Variants in KIF13B observed in about 807,000 individuals in gnomAD.
KIF13B encodes the protein kinesin-like protein KIF13B.
In KIF13B, 127 loss-of-function variants were observed where a neutral mutation model predicts 222.0. The ratio of observed to expected loss-of-function variants is 0.57; its 90% CI spans 0.50 to 0.66. The LOEUF is 0.66. Among genes scored for constraint, KIF13B ranks in the 30% least tolerant of loss-of-function variants. The pLI is 0.00. For synonymous variants in KIF13B, 976 were observed against 919.0 expected, an observed-to-expected ratio of 1.06 and a Z score of -1.12; for missense variants, 2,173 against 2,379.0, an observed-to-expected ratio of 0.91 and a Z score of 1.80.
At chr8:29,108,231 C>G in intron 34 of KIF13B, 39 bp from the exon 35 acceptor site, 1 of 1,585,872 alleles carries the variant, frequency 6.3e-7, no homozygotes, top group Non-Finnish European at 8.6e-7. Context: ...ATTTATGCAT[C>G]AGAGCATACA....
At chr8:29,257,701 C>T (rs1816536444) in intron 1 of KIF13B, among the ~76,000 whole-genome samples, 1 of 152,098 alleles carries the variant, frequency 6.6e-6, no homozygotes, top group African/African-American at 2.4e-5. Flanking sequence ...AACTCCACAG[C>T]AGGCTGCAGC....
At chr8:29,170,895 T>G (rs1009535858) in intron 10 of KIF13B, among the ~76,000 whole-genome samples, 2 of 152,064 alleles carry the variant, frequency 1.3e-5, no homozygotes, top group African/African-American at 2.4e-5. Context: ...CTGGCCAACA[T>G]AGTGAGACCC....
intron 19 of KIF13B, among the ~76,000 whole-genome samples, chr8:29,141,754 G>T (rs1305814467): frequency 6.6e-6 from 1 of 152,158 alleles, no homozygotes; most frequent in East Asian, 1.9e-4. Context: ...TACCACCGAT[G>T]TTCAACTTAC....
At chr8:29,150,134 T>C (rs1811233908) in intron 15 of KIF13B, among the ~76,000 whole-genome samples, 163 bp downstream of exon 15, 1 of 152,330 alleles carries the variant, frequency 6.6e-6, no homozygotes, top group South Asian at 2.1e-4. Context: ...CCATATACAG[T>C]GAATGAACAC....
chr8:29,086,890 T>C (rs1563688495), intron 37 of KIF13B, among the ~76,000 whole-genome samples: 1 of 152,246 alleles, frequency 6.6e-6, no homozygotes. Flanking sequence ...ACTATTGAAA[T>C]TGGTGCACTA....
At chr8:29,204,566 A>T (rs1319817214) in intron 2 of KIF13B, among the ~76,000 whole-genome samples, 1 of 152,224 alleles carries the variant, frequency 6.6e-6, no homozygotes, top group Non-Finnish European at 1.5e-5. Flanking sequence ...AAATAAAAAG[A>T]AAGTTTAAAT....
intron 2 of KIF13B, among the ~76,000 whole-genome samples, chr8:29,223,383 ACTTGGCCTC>A (rs1276292239): frequency 5.9e-5 from 9 of 151,846 alleles, no homozygotes; most frequent in African/African-American, 2.2e-4. Flanking sequence ...GTACAAGACA[ACTTGGCCTC>A]ATTTTAAAAT....
At chr8:29,089,250 C>T (rs1471242654) in intron 37 of KIF13B, among the ~76,000 whole-genome samples, 2 of 152,008 alleles carry the variant, frequency 1.3e-5, no homozygotes, top group Non-Finnish European at 2.9e-5. Flanking sequence ...CTGGGCAACA[C>T]AGCGAGACTC....
chr8:29,133,692 T>C (rs1341469188), intron 22 of KIF13B, among the ~76,000 whole-genome samples: 2 of 152,200 alleles, frequency 1.3e-5, no homozygotes, highest in Non-Finnish European at 2.9e-5. Flanking sequence ...GAGCATTCGG[T>C]GCTCAATAAA....
rs57720312 is a variant in KIF13B, at chr8:29,247,833, CAAAAAAAAAAAAA to C, written c.56-2407_56-2395del. 1.3e-4 allele frequency among the ~76,000 whole-genome samples: 7 copies of C among 54,414 alleles called. No homozygotes were observed. The South Asian group carries it at 2.0e-3, about 15-fold the overall frequency. The allele number at this position is 54,414 out of a possible 152,430, so 35.7% of individuals were successfully genotyped here. On this transcript the variant is annotated intron_variant, in intron 1 of 39. Coordinates refer to ENST00000524189, the MANE Select transcript of KIF13B (RefSeq NM_015254.4). ...TAGGTGTGAGAGTAAGACCCTGTCT[CAAAAAAAAAAAAA>C]AAAAAAAAAAAGACAAATAATCAAA...
intron 7 of KIF13B, among the ~76,000 whole-genome samples, chr8:29,180,455 G>C (rs976254903): frequency 6.6e-6 from 1 of 152,120 alleles, no homozygotes; most frequent in Non-Finnish European, 1.5e-5. Context: ...AGGTACAGAG[G>C]TGGCAGCCTT....
intron 12 of KIF13B, 37 bp downstream of exon 12, chr8:29,165,625 T>G: frequency 1.9e-5 from 26 of 1,356,154 alleles, no homozygotes; most frequent in Non-Finnish European, 2.5e-5. Flanking sequence ...CAAACTGCCA[T>G]GAGGTTTCAT....
At chr8:29,215,526 CA>C (rs1055126944) in intron 2 of KIF13B, among the ~76,000 whole-genome samples, 4 of 152,000 alleles carry the variant, frequency 2.6e-5, no homozygotes, top group African/African-American at 9.7e-5. Context: ...CTGTCTTTAC[CA>C]AAAATTCTTT....
chr8:29,148,613 G>C lies in KIF13B; in HGVS notation c.1777C>G (p.Gln593Glu). 6.2e-7 allele frequency: 1 copy of C among 1,612,266 alleles called. No individual in the cohort carries two copies. The highest frequency in any genetic ancestry group is 8.5e-7 in the Non-Finnish European group (1 of 1,179,192). The stretch of plus-strand genomic sequence containing the variant: ...AGGGCCTTCATGGTGACCTCCATCT[G>C]TGCGTATTCGTAATTAAAGTTAACT... Reference protein sequence around the residue: ...SEVNFNYEYAQMEVTMKALGS... With the variant: ...SEVNFNYEYAEMEVTMKALGS... Residue 593 changes from glutamine to glutamate, a missense_variant, in exon 16 of 40, where the codon CAG becomes GAG. Physicochemically the swap from Gln to Glu is conservative, Grantham distance 29. Transcript: ENST00000524189.
intron 1 of KIF13B, among the ~76,000 whole-genome samples, chr8:29,246,488 G>C (rs1484176957): frequency 1.3e-5 from 2 of 151,974 alleles, no homozygotes; most frequent in African/African-American, 2.4e-5. Context: ...GGAAGACACT[G>C]CATGTTCATG....
At chr8:29,081,638 G>A (rs1244882230) in intron 37 of KIF13B, among the ~76,000 whole-genome samples, 3 of 152,236 alleles carry the variant, frequency 2.0e-5, no homozygotes, top group African/African-American at 7.2e-5. Context: ...TGATATGACA[G>A]TATTTTCAAT....
At chr8:29,124,147 T>C (rs777055309) in intron 26 of KIF13B, 24 bp from the exon 27 acceptor site, 12 of 1,350,120 alleles carry the variant, frequency 8.9e-6, no homozygotes, top group South Asian at 1.2e-5. Context: ...AGGAAAATCA[T>C]ATTCAATGTA....
chr8:29,089,988 C>T (rs1045410972), intron 37 of KIF13B, among the ~76,000 whole-genome samples: 3 of 152,060 alleles, frequency 2.0e-5, no homozygotes, highest in Admixed American at 1.3e-4. Context: ...TAGACTCAGA[C>T]GTCCTTCCTC....
At position 29,155,861 on chromosome 8, in the gene KIF13B, G is replaced by GA. The variant is rs1234383109; in HGVS notation, c.1405-6dup. The stretch of plus-strand genomic sequence containing the variant: ...TGACCCTATCAATGTATGTTCCTAA[G>GA]AAAAAACCAAATTCACTGATTAATA... On this transcript the variant is annotated splice_polypyrimidine_tract_variant and splice_region_variant and intron_variant, in intron 13 of 39. Coordinates refer to ENST00000524189, the MANE Select transcript of KIF13B (RefSeq NM_015254.4). The GA allele has an allele frequency of 1.3e-6, 2 of 1,561,648 alleles. No individual in the cohort carries two copies. The highest frequency in any genetic ancestry group is 1.7e-6 in the Non-Finnish European group (2 of 1,149,234).
Sources: gnomAD v4.1 joint callset for allele counts (sites outside exome capture counted in the v4.1 genomes callset) on GRCh38, gnomAD v4.1.1 for gene constraint, MANE v1.5 for transcripts, NCBI Gene and HGNC (gene_info 2026-07-23, HGNC 2026-07-21) for gene names.